Variants in CDH13 observed in about 807,000 individuals in gnomAD.
CDH13 encodes the protein cadherin-13.
A neutral mutation model predicts 63.8 loss-of-function variants in CDH13; 24 were observed. That is an observed-to-expected ratio of 0.38 (90% CI 0.27 to 0.53). The LOEUF is 0.53. Among genes scored for constraint, CDH13 ranks in the 20% least tolerant of loss-of-function variants. The pLI is 0.85. For synonymous variants in CDH13, 503 were observed against 355.3 expected (o/e 1.42, Z -4.67); for missense variants, 1,049 against 903.1 (o/e 1.16, Z -2.07).
chr16:83,585,414 A>G (rs893565881), intron 7 of CDH13, among the ~76,000 whole-genome samples: 1 of 152,098 alleles, frequency 6.6e-6, no homozygotes, highest in Admixed American at 6.5e-5. Flanking sequence ...GGTGTGGGAG[A>G]GGAGGCTTGA....
intron 2 of CDH13, among the ~76,000 whole-genome samples, chr16:82,940,333 A>T (rs2042795107): frequency 6.6e-6 from 1 of 152,124 alleles, no homozygotes; most frequent in Non-Finnish European, 1.5e-5. Context: ...GAGACGGCAA[A>T]AATTAACAGT....
At chr16:83,635,335 T>C (rs1911160647) in intron 8 of CDH13, among the ~76,000 whole-genome samples, 1 of 31,924 alleles carries the variant, frequency 3.1e-5, no homozygotes, top group Non-Finnish European at 7.2e-5. Flanking sequence ...TTTCTTTCTT[T>C]TTTTTTTTTT....
chr16:83,271,422 T>TTAAAAAAAAAAAAAAAAAAAAAAAAAAA (rs1555522986), intron 5 of CDH13, among the ~76,000 whole-genome samples: 3 of 26,004 alleles, frequency 1.2e-4, no homozygotes, highest in East Asian at 9.6e-4. Context: ...GCAGAGTTCA[T>TTAAAAAAAAAAAAAAAAAAAAAAAAAAA]AAAAAAAAAA....
intron 1 of CDH13, chr16:82,705,228 G>A (rs568242800): frequency 2.0e-5 from 9 of 451,446 alleles, no homozygotes; most frequent in African/African-American, 1.2e-4. Flanking sequence ...TAGCACATGA[G>A]AGGGAGGACA....
chr16:82,726,816 T>G (rs2033123137), intron 1 of CDH13, among the ~76,000 whole-genome samples: 1 of 152,198 alleles, frequency 6.6e-6, no homozygotes, highest in African/African-American at 2.4e-5. Flanking sequence ...CATGGAATTC[T>G]TACAACTACA....
In CDH13 at chr16:82,669,946, C is replaced by T. The variant is rs114713066; in HGVS notation, c.45+42809C>T. Among the ~76,000 whole-genome samples, 1,450 of 152,316 alleles carry T rather than the reference C, an allele frequency of 9.5e-3. 33 individuals carry two copies. Among genetic ancestry groups the T allele is most frequent in the African/African-American group, 0.033 (1,353 of 41,558 alleles). On this transcript the variant is annotated intron_variant, in intron 1 of 13. Coordinates refer to ENST00000567109, the MANE Select transcript of CDH13 (RefSeq NM_001257.5). ...TTTTCCCAGTACAGAGAATTTCTTG[C>T]AGCCTGTACATTTTCCCTTTAAAAG...
intron 1 of CDH13, among the ~76,000 whole-genome samples, chr16:82,818,075 C>T (rs1437992981): frequency 6.6e-6 from 1 of 150,924 alleles, no homozygotes; most frequent in Non-Finnish European, 1.5e-5. Flanking sequence ...ACAATGCACA[C>T]ATGTTTATAT....
chr16:83,361,825 G>A lies in CDH13; in HGVS notation c.781+16819G>A, dbSNP rs556860228. ...ACCGTACCATGCTGTTTTAGTTACC[G>A]TATGCTTACAGTAGAGTTTAAAGTC... is the stretch of plus-strand genomic sequence containing the variant. On this transcript the variant is annotated intron_variant, in intron 6 of 13. Coordinates refer to ENST00000567109, the MANE Select transcript of CDH13 (RefSeq NM_001257.5). Among the ~76,000 whole-genome samples, 56 of 152,186 alleles carry A rather than the reference G, an allele frequency of 3.7e-4. 1 individual carries two copies. The highest frequency in any genetic ancestry group is 1.2e-3 in the African/African-American group (48 of 41,530).
intron 8 of CDH13, among the ~76,000 whole-genome samples, chr16:83,603,878 C>G (rs1275107697): frequency 1.3e-5 from 2 of 152,076 alleles, no homozygotes; most frequent in Non-Finnish European, 2.9e-5. Flanking sequence ...TCAGTCATGG[C>G]AGAAGGCAAA....
chr16:82,792,260 CA>C (rs1472468391), intron 1 of CDH13, among the ~76,000 whole-genome samples: 1 of 152,126 alleles, frequency 6.6e-6, no homozygotes, highest in Non-Finnish European at 1.5e-5. Flanking sequence ...CTGCCTTTCC[CA>C]GTATGGAAGT....
In CDH13 at chr16:83,397,641, C is replaced by T. The variant is rs371158216; in HGVS notation, c.781+52635C>T. On this transcript the variant is annotated intron_variant, in intron 6 of 13. Coordinates refer to ENST00000567109, the MANE Select transcript of CDH13 (RefSeq NM_001257.5). The stretch of plus-strand genomic sequence containing the variant: ...AATTGAGTTAGAGATACATTTGTAG[C>T]TTGAAGAGTTGCTTATTTGATAAGT... The T allele has an allele frequency of 7.2e-5, 11 of 152,280 alleles. No homozygotes were observed. The East Asian group carries it at 1.9e-3, about 27-fold the overall frequency. The allele number at this position is 152,280 out of a possible 1,614,324, so 9.4% of individuals were successfully genotyped here.
chr16:83,412,607 C>T (rs16960416), intron 6 of CDH13, among the ~76,000 whole-genome samples: 1 of 152,088 alleles, frequency 6.6e-6, no homozygotes, highest in Admixed American at 6.5e-5. Flanking sequence ...TTGTGGTCCC[C>T]GAAGAAAGAA....
intron 13 of CDH13, among the ~76,000 whole-genome samples, chr16:83,794,753 G>T (rs938222217): frequency 6.6e-6 from 1 of 151,992 alleles, no homozygotes; most frequent in Admixed American, 6.6e-5. Context: ...AAGGCTCATT[G>T]GTAACGGTGG....
intron 1 of CDH13, among the ~76,000 whole-genome samples, chr16:82,790,136 T>C (rs2036224595): frequency 6.6e-6 from 1 of 152,044 alleles, no homozygotes; most frequent in African/African-American, 2.4e-5. Context: ...ACACGTACCT[T>C]ACAAAATTTC....
intron 1 of CDH13, among the ~76,000 whole-genome samples, chr16:82,850,183 G>A (rs2039425680): frequency 1.3e-5 from 2 of 152,114 alleles, no homozygotes; most frequent in Admixed American, 1.3e-4. Flanking sequence ...CTGCTGAAAA[G>A]GATTCACCAT....
chr16:83,117,183 C>T (rs2035345251), intron 3 of CDH13, among the ~76,000 whole-genome samples: 1 of 152,234 alleles, frequency 6.6e-6, no homozygotes, highest in Non-Finnish European at 1.5e-5. Context: ...GCTCACTCCT[C>T]ATGCGGAGTA....
At chr16:83,729,965 T>TTGTAA (rs1910856548) in intron 10 of CDH13, among the ~76,000 whole-genome samples, 1 of 152,182 alleles carries the variant, frequency 6.6e-6, no homozygotes, top group Admixed American at 6.5e-5. Flanking sequence ...ATTACCGTGC[T>TTGTAA]TGTGAGAAGG....
At chr16:83,034,457 C>T (rs188135067) in intron 3 of CDH13, among the ~76,000 whole-genome samples, 1 of 152,238 alleles carries the variant, frequency 6.6e-6, no homozygotes, top group Non-Finnish European at 1.5e-5. Flanking sequence ...CCATTGACAC[C>T]ACAAAGGCAA....
chr16:83,402,939 C>T (rs1418441847), intron 6 of CDH13, among the ~76,000 whole-genome samples: 2 of 152,040 alleles, frequency 1.3e-5, no homozygotes, highest in Admixed American at 6.5e-5. Flanking sequence ...TTTCTAATCC[C>T]ATCAATAACC....
Sources: allele counts gnomAD v4.1 joint callset (sites outside exome capture counted in the v4.1 genomes callset), GRCh38; gene constraint gnomAD v4.1.1; transcripts MANE v1.5; gene names NCBI Gene and HGNC (gene_info 2026-07-23, HGNC 2026-07-21).